TRDN: variants seen among roughly 807,000 people sequenced by gnomAD.
The protein encoded by TRDN is triadin in skeletal muscle.
Under a neutral mutation model 149.7 loss-of-function variants are expected in TRDN, and 161 were observed. The ratio of observed to expected loss-of-function variants is 1.08; its 90% CI spans 0.95 to 1.23. The LOEUF (loss-of-function observed/expected upper bound fraction) is 1.23, where lower values mean the gene tolerates loss of function less well. TRDN is among the 50% of genes most tolerant of loss of function. TRDN has a pLI of 0.00. For missense variants in TRDN, 896 were observed against 823.5 expected, an observed-to-expected ratio of 1.09 and a Z score of -1.08; for synonymous variants, 294 against 250.5, an observed-to-expected ratio of 1.17 and a Z score of -1.64.
chr6:123,293,675 A>G (rs1778088923), intron 24 of TRDN, among the ~76,000 whole-genome samples: 1 of 152,148 alleles, frequency 6.6e-6, no homozygotes, highest in South Asian at 2.1e-4. Context: ...CACACCCTGT[A>G]GGGCTTCTGT....
intron 12 of TRDN, 78 bp downstream of exon 12, chr6:123,437,985 G>A (rs1414556669): frequency 8.1e-7 from 1 of 1,231,196 alleles, no homozygotes; most frequent in Non-Finnish European, 1.2e-6. Context: ...TGCAATTTGT[G>A]TATGTTGCAT....
At chr6:123,555,296 C>CT (rs1253133443) in intron 2 of TRDN, among the ~76,000 whole-genome samples, 1 of 151,976 alleles carries the variant, frequency 6.6e-6, no homozygotes, top group Admixed American at 6.6e-5. Flanking sequence ...AGCCAAATGC[C>CT]TTTTTTTCTC....
At chr6:123,487,175 A>G (rs1046016784) in intron 9 of TRDN, among the ~76,000 whole-genome samples, 1 of 152,032 alleles carries the variant, frequency 6.6e-6, no homozygotes, top group Non-Finnish European at 1.5e-5. Context: ...ACTCAGCCAA[A>G]GGAGGAAAGA....
intron 24 of TRDN, among the ~76,000 whole-genome samples, chr6:123,279,458 T>C (rs1343682793): frequency 6.6e-6 from 1 of 152,176 alleles, no homozygotes; most frequent in African/African-American, 2.4e-5. Flanking sequence ...GCCTCTGCTC[T>C]ATTCATAGTC....
chr6:123,483,069 A>ATTT (rs1400202640), intron 9 of TRDN, among the ~76,000 whole-genome samples: 3 of 15,524 alleles, frequency 1.9e-4, no homozygotes, highest in Non-Finnish European at 3.6e-4. Context: ...TTTCTCATTT[A>ATTT]TTATTATTAT....
intron 1 of TRDN, among the ~76,000 whole-genome samples, chr6:123,585,486 T>G (rs59222568): frequency 0.015 from 2,283 of 152,008 alleles, 34 homozygotes; most frequent in African/African-American, 0.032. Flanking sequence ...CCTTCACTGT[T>G]AGAGTTACCC....
intron 9 of TRDN, among the ~76,000 whole-genome samples, chr6:123,491,757 C>A (rs900999141): frequency 6.6e-6 from 1 of 152,080 alleles, no homozygotes; most frequent in Non-Finnish European, 1.5e-5. Context: ...TTAAAATTCC[C>A]GAAACTTTTG....
At chr6:123,561,679 C>G (rs1562390453) in intron 2 of TRDN, among the ~76,000 whole-genome samples, 1 of 152,096 alleles carries the variant, frequency 6.6e-6, no homozygotes, top group Non-Finnish European at 1.5e-5. Flanking sequence ...TCAATTCATA[C>G]AAAACCGTAT....
chr6:123,258,655 T>C (rs1249325893), intron 35 of TRDN, among the ~76,000 whole-genome samples: 1 of 152,312 alleles, frequency 6.6e-6, no homozygotes, highest in East Asian at 1.9e-4. Context: ...CCTCACAAAA[T>C]GAGTTAGGGA....
At position 123,433,143 on chromosome 6, in the gene TRDN, A is replaced by ATT. The variant is rs1774401827; in HGVS notation, c.1051+4919_1051+4920insAA. ...CACTCCCCTTCCCCCACACATCATAAATATATATATATATATATAATATAT... is the reference window on the plus strand; with the variant it reads ...CACTCCCCTTCCCCCACACATCATAATTATATATATATATATATATAATATAT... On this transcript the variant is annotated intron_variant, in intron 12 of 40. Transcript: ENST00000334268. Among the ~76,000 whole-genome samples the ATT allele has an allele frequency of 3.1e-5, 3 of 96,436 alleles. No individual in the cohort carries two copies. The East Asian group carries it at 2.1e-3, about 68-fold the overall frequency. The allele number at this position is 96,436 out of a possible 152,430, so 63.3% of individuals were successfully genotyped here.
In TRDN at chr6:123,273,011, T is replaced by C; in HGVS notation, c.1625A>G (p.Lys542Arg). 2 of 1,499,900 alleles carry C rather than the reference T, an allele frequency of 1.3e-6. No homozygotes were observed. Among genetic ancestry groups the C allele is most frequent in the Non-Finnish European group, 1.8e-6 (2 of 1,127,450 alleles). 92.9% of individuals were successfully genotyped at this position (1,499,900 alleles called of 1,614,324 possible). A position where few individuals can be genotyped will look rare whatever the true frequency, so the allele number is the denominator to read the frequency against. The change falls in exon 29 of 41, where the codon AAA becomes AGA. Residue 542 changes from lysine to arginine, a missense_variant and splice_region_variant. Coordinates refer to ENST00000334268, the MANE Select transcript of TRDN (RefSeq NM_006073.4). ...PAISEKVQIH[K>R]QDIVKPEKTV... ...CTTTTCTGGTTTCACTATGTCTTGT[T>C]CTGAAAATAATAAAAAGAAAATCTT...
At chr6:123,300,845 C>T (rs1028665506) in intron 24 of TRDN, among the ~76,000 whole-genome samples, 1 of 151,868 alleles carries the variant, frequency 6.6e-6, no homozygotes, top group Non-Finnish European at 1.5e-5. Flanking sequence ...GTGTCCAGAA[C>T]CATTCCAAGC....
rs535515248 is a variant in TRDN, at chr6:123,562,052, A to G, written c.232+8871T>C. ...ACATTCCACCACAAAAGAAGTGAAA[A>G]TGTCCGGTCCCTGCCTTAACTGATG... is the stretch of plus-strand genomic sequence containing the variant. On this transcript the variant is annotated intron_variant, in intron 2 of 40. Transcript: ENST00000334268. 7.2e-5 allele frequency among the ~76,000 whole-genome samples: 11 copies of G among 152,182 alleles called. No individual in the cohort carries two copies. The East Asian group carries it at 9.7e-4, about 13-fold the overall frequency.
intron 10 of TRDN, chr6:123,445,262 A>T (rs1405957678): frequency 6.6e-6 from 1 of 152,138 alleles, no homozygotes; most frequent in African/African-American, 2.4e-5. Flanking sequence ...AGTGTATGTT[A>T]GACCTAAAAC....
At chr6:123,499,719 A>AAAT in intron 8 of TRDN, among the ~76,000 whole-genome samples, 4 of 47,684 alleles carry the variant, frequency 8.4e-5, no homozygotes, top group South Asian at 1.3e-3. Context: ...AAAAAAAAAA[A>AAAT]ATATATATAT....
chr6:123,516,650 A>G (rs1481249700), intron 5 of TRDN, among the ~76,000 whole-genome samples: 3 of 152,108 alleles, frequency 2.0e-5, no homozygotes, highest in Non-Finnish European at 4.4e-5. Context: ...TCGTCTACAG[A>G]AACATTCTAC....
At chr6:123,555,776 A>G (rs1781621798) in intron 2 of TRDN, among the ~76,000 whole-genome samples, 1 of 152,170 alleles carries the variant, frequency 6.6e-6, no homozygotes, top group African/African-American at 2.4e-5. Flanking sequence ...TAAAATAATA[A>G]TTGGGGAAGA....
chr6:123,260,028 G>A (rs560282364), intron 34 of TRDN, among the ~76,000 whole-genome samples: 5 of 149,268 alleles, frequency 3.3e-5, no homozygotes, highest in African/African-American at 1.2e-4. Context: ...CAAATTCCTG[G>A]TCTCAAGGGA....
At chr6:123,504,843 A>G (rs1379885798) in intron 7 of TRDN, among the ~76,000 whole-genome samples, 1 of 152,160 alleles carries the variant, frequency 6.6e-6, no homozygotes, top group Admixed American at 6.6e-5. Flanking sequence ...TCCTTTTTGT[A>G]TGTGACTACA....
Sources: allele counts gnomAD v4.1 joint callset (sites outside exome capture counted in the v4.1 genomes callset), GRCh38; gene constraint gnomAD v4.1.1; transcripts MANE v1.5; gene names NCBI Gene and HGNC (gene_info 2026-07-23, HGNC 2026-07-21).